Variants in ZNF48 observed in about 807,000 individuals in gnomAD.
ZNF48 encodes the protein zinc finger protein 553.
A neutral mutation model predicts 40.0 loss-of-function variants in ZNF48; 20 were observed. The ratio of observed to expected loss-of-function variants is 0.50; its 90% CI spans 0.35 to 0.73. ZNF48 has a LOEUF of 0.73. ZNF48 is among the 30% of genes least tolerant of loss of function. The pLI is 0.01. For missense variants in ZNF48, 726 were observed against 851.9 expected (o/e 0.85, Z 1.84); for synonymous variants, 298 against 329.7 (o/e 0.90, Z 1.04).
chr16:30,398,963 C>G lies in ZNF48; in HGVS notation c.1713C>G (p.Tyr571Ter). The G allele has an allele frequency of 6.2e-7, 1 of 1,614,088 alleles. No individual in the cohort carries two copies. The highest frequency in any genetic ancestry group is 8.5e-7 in the Non-Finnish European group (1 of 1,180,008). The part of the protein sequence containing the change: ...HRRTHTGEKP[Y>*]KCAECGKGFG... ...GTACACACACGGGGGAGAAGCCATA[C>G]AAGTGTGCAGAGTGTGGCAAGGGTT... is the stretch of plus-strand genomic sequence containing the variant. The change falls in exon 3 of 3, where the codon TAC becomes TAG. Residue 571 changes from tyrosine to a stop codon, truncating the protein, a stop_gained. Transcript: ENST00000613509. LOFTEE classifies it high-confidence loss of function. This position sits in a 1 kb window ranked among gnomAD's most constrained non-coding sequence, Gnocchi z 6.6.
rs374758184 is a variant in ZNF48 at position 30,378,600 on chromosome 16, G to C, written c.-16+190G>C. On this transcript the variant is annotated intron_variant, in intron 1 of 2. Coordinates refer to the ZNF48 transcript ENST00000528032. ...GGCATCGGTCGGGGGGAAGCGAGGT[G>C]CGTGCTCACCTCTTCGTCTTTCTCG... is the stretch of plus-strand genomic sequence containing the variant. 1.2e-5 allele frequency: 19 copies of C among 1,611,272 alleles called. No homozygotes were observed. The African/African-American group carries it at 2.4e-4, about 20-fold the overall frequency.
chr16:30,383,111 G>A (rs2049872221), intron 1 of ZNF48: 1 of 422,326 alleles, frequency 2.4e-6, no homozygotes, highest in Non-Finnish European at 4.4e-6. Context: ...GAGCCCAGAA[G>A]ATCAAGACTG....
At position 30,398,819 on chromosome 16, in the gene ZNF48, A is replaced by C. The variant is rs763265286; in HGVS notation, c.1569A>C (p.Pro523=). 1.2e-6 allele frequency: 2 copies of C among 1,613,826 alleles called. No individual in the cohort carries two copies. Among genetic ancestry groups the C allele is most frequent in the Admixed American group, 3.3e-5 (2 of 60,022 alleles). Residue 523 remains proline, a synonymous_variant, in exon 3 of 3, where the codon CCA becomes CCC. Coordinates refer to ENST00000613509, the MANE Select transcript of ZNF48 (RefSeq NM_001214909.2). The surrounding 1 kb of genome is among the most constrained non-coding windows in gnomAD (Gnocchi z 6.6). ...TLLRPHNPPG[P]VPMAPRPRVR... The stretch of plus-strand genomic sequence containing the variant: ...TGCGGCCACATAACCCACCTGGCCC[A>C]GTACCCATGGCCCCTCGACCCCGAG...
At chr16:30,379,634 C>A in intron 1 of ZNF48, 1 of 510,110 alleles carries the variant, frequency 2.0e-6, no homozygotes, top group Non-Finnish European at 3.3e-6. Flanking sequence ...CTTCCTGCCC[C>A]TTCCTCTTTT....
chr16:30,399,272 A>G lies in ZNF48; in HGVS notation c.*165A>G. On this transcript the variant is annotated 3_prime_UTR_variant, in exon 3 of 3. Coordinates refer to ENST00000613509, the MANE Select transcript of ZNF48 (RefSeq NM_001214909.2). Reference sequence around the variant, plus strand: ...GAGACAGTAACCTTGAAGCTCAGGAAACTGTCCTGGCTGGGCTGAGTCAGG... The same window carrying G: ...GAGACAGTAACCTTGAAGCTCAGGAGACTGTCCTGGCTGGGCTGAGTCAGG... 1 of 750,982 alleles carries G rather than the reference A, an allele frequency of 1.3e-6. No individual in the cohort carries two copies. The highest frequency in any genetic ancestry group is 2.1e-6 in the Non-Finnish European group (1 of 486,298). 46.5% of individuals were successfully genotyped at this position (750,982 alleles called of 1,614,324 possible). A position where few individuals can be genotyped will look rare whatever the true frequency, so the allele number is the denominator to read the frequency against.
chr16:30,379,563 T>A, intron 1 of ZNF48: 1 of 1,557,622 alleles, frequency 6.4e-7, no homozygotes, highest in Non-Finnish European at 8.8e-7. Flanking sequence ...GGGTTCACCA[T>A]TGGCTCACAC....
chr16:30,379,637 C>CCA, intron 1 of ZNF48: 9 of 353,934 alleles, frequency 2.5e-5, no homozygotes, highest in East Asian at 5.6e-5. Context: ...CCTGCCCCTT[C>CCA]CTCTTTTTTT....
chr16:30,382,453 A>G lies in ZNF48; in HGVS notation c.-16+4043A>G. ...TTGAGTTCCTGGGCTAGGAAGAGTC[A>G]GTGGGGTCTGGGGACCCCAGGCATG... On this transcript the variant is annotated intron_variant, in intron 1 of 2. Transcript: ENST00000528032. The surrounding 1 kb of genome is among the most constrained non-coding windows in gnomAD (Gnocchi z 4.8). 1 of 1,563,078 alleles carries G rather than the reference A, an allele frequency of 6.4e-7. No individual in the cohort carries two copies. The highest frequency in any genetic ancestry group is 1.1e-5 in the South Asian group (1 of 88,402).
chr16:30,398,550 G>A lies in ZNF48; in HGVS notation c.1300G>A (p.Gly434Arg). ...CCTGCCTGGCTTGGAGCCAGAGCCT[G>A]GGGGCCCACAGGCTGGGGAGCCACC... Reference protein sequence around the residue: ...FGLPGLEPEPGGPQAGEPPPP... With the variant: ...FGLPGLEPEPRGPQAGEPPPP... Residue 434 changes from glycine to arginine, a missense_variant, in exon 3 of 3, where the codon GGG becomes AGG. Physicochemically the swap from Gly to Arg is moderately radical, Grantham distance 125. Transcript: ENST00000613509. The surrounding 1 kb of genome is among the most constrained non-coding windows in gnomAD (Gnocchi z 6.6). 1 of 1,609,334 alleles carries A rather than the reference G, an allele frequency of 6.2e-7. No homozygotes were observed. The highest frequency in any genetic ancestry group is 8.5e-7 in the Non-Finnish European group (1 of 1,178,274).
intron 1 of ZNF48, among the ~76,000 whole-genome samples, chr16:30,389,404 A>AAAT (rs1555500201): frequency 1.1e-4 from 16 of 141,968 alleles, no homozygotes; most frequent in East Asian, 1.0e-3. Flanking sequence ...AAAAAAAAAA[A>AAAT]AATAATAATA....
chr16:30,384,332 T>G (rs1417562735), intron 1 of ZNF48, among the ~76,000 whole-genome samples: 1 of 151,290 alleles, frequency 6.6e-6, no homozygotes, highest in East Asian at 2.0e-4. Flanking sequence ...ATTGAGACCA[T>G]CCTGGCCAAC....
In ZNF48 at chr16:30,395,709, G is replaced by A. The variant is rs1272329281; in HGVS notation, c.-15-71G>A. ...CCCGGTGCCCGCGCTGGCCGGCAGA[G>A]GGCAGCGGCAGGGCGCCGCGGGCCA... is the stretch of plus-strand genomic sequence containing the variant. On this transcript the variant is annotated intron_variant, in intron 1 of 2. Transcript: ENST00000613509. The surrounding 1 kb of genome is among the most constrained non-coding windows in gnomAD (Gnocchi z 5.9). 8.0e-7 allele frequency: 1 copy of A among 1,245,906 alleles called. No individual in the cohort carries two copies. The highest frequency in any genetic ancestry group is 1.6e-5 in the African/African-American group (1 of 64,390). 77.2% of individuals were successfully genotyped at this position (1,245,906 alleles called of 1,614,324 possible).
At chr16:30,395,331 C>G (rs1751943004), upstream of ZNF48, 1 of 453,040 alleles carries the variant, frequency 2.2e-6, no homozygotes, top group Non-Finnish European at 4.4e-6. The surrounding 1 kb of genome is among the most constrained non-coding windows in gnomAD (Gnocchi z 5.9). Flanking sequence ...GGCCACAGAG[C>G]TACCGCCGAC....
Position 30,398,933 on chromosome 16 carries a change from C to G in ZNF48, c.1683C>G (p.His561Gln). The part of the protein sequence containing the change: ...EFPRSSDLVK[H>Q]RRTHTGEKPY... ...CCCGGAGCTCAGATCTGGTCAAACA[C>G]AGGCGTACACACACGGGGGAGAAGC... is the stretch of plus-strand genomic sequence containing the variant. Residue 561 changes from histidine (H) to glutamine (Q), a missense_variant, in exon 3 of 3, where the codon CAC becomes CAG. Around this residue, in one of 5 missense-constraint regions of ZNF48, gnomAD observed 166 missense variants for 163.6 expected, o/e 1.01. Transcript: ENST00000613509. This position sits in a 1 kb window ranked among gnomAD's most constrained non-coding sequence, Gnocchi z 6.6. 6.2e-7 allele frequency: 1 copy of G among 1,613,746 alleles called. No homozygotes were observed. Among genetic ancestry groups the G allele is most frequent in the Non-Finnish European group, 8.5e-7 (1 of 1,179,814 alleles).
chr16:30,378,826 C>T, intron 1 of ZNF48: 1 of 563,906 alleles, frequency 1.8e-6, no homozygotes, highest in Non-Finnish European at 2.4e-6. Context: ...GAGGTTAGGG[C>T]CGGAGGCAAA....
chr16:30,392,049 G>A (rs566843827), upstream of ZNF48, among the ~76,000 whole-genome samples: 125 of 152,234 alleles, frequency 8.2e-4, no homozygotes, highest in African/African-American at 2.9e-3. Flanking sequence ...CTGAGGCGGC[G>A]TATCGCTCTG....
rs2049852587 is a variant in ZNF48, at chr16:30,381,794, G to T, written c.-16+3384G>T. 6.2e-7 allele frequency: 1 copy of T among 1,614,000 alleles called. No homozygotes were observed. The highest frequency in any genetic ancestry group is 1.1e-5 in the South Asian group (1 of 91,094). Reference sequence around the variant, plus strand: ...CAGTCCACTGAGTCCCCAAAGCCAGGTGTGTCCACAAGGGTCAGCTTCACT... The same window carrying T: ...CAGTCCACTGAGTCCCCAAAGCCAGTTGTGTCCACAAGGGTCAGCTTCACT... On this transcript the variant is annotated intron_variant, in intron 1 of 2. Coordinates refer to the ZNF48 transcript ENST00000528032. The surrounding 1 kb of genome is among the most constrained non-coding windows in gnomAD (Gnocchi z 4.3).
In ZNF48 at chr16:30,388,127, C is replaced by T. The variant is rs373177114; in HGVS notation, c.-15-7653C>T. On this transcript the variant is annotated intron_variant, in intron 1 of 2. Transcript: ENST00000528032. ...GATTGATTACAGGCATGCACCACCA[C>T]GCTTGGCTAATTTTTTTTGTATTTT... 3.4e-4 allele frequency among the ~76,000 whole-genome samples: 52 copies of T among 152,010 alleles called. No homozygotes were observed. In the East Asian group the frequency reaches 7.2e-3, roughly 21 times the overall value.
At chr16:30,378,492 T>C in intron 1 of ZNF48, 1 of 1,577,682 alleles carries the variant, frequency 6.3e-7, no homozygotes, top group Non-Finnish European at 8.6e-7. Context: ...GGCCTGCATC[T>C]TCTCCAGCAT....
Sources: allele counts gnomAD v4.1 joint callset (sites outside exome capture counted in the v4.1 genomes callset), GRCh38; gene constraint gnomAD v4.1.1; regional missense constraint gnomAD v4.1.1; non-coding constraint Gnocchi (gnomAD v3.1); transcripts MANE v1.5; gene names NCBI Gene and HGNC (gene_info 2026-07-23, HGNC 2026-07-21).